Variants in ZFYVE1 observed in about 807,000 individuals in gnomAD.
ZFYVE1 encodes the protein zinc finger FYVE domain-containing protein 1.
A neutral mutation model predicts 74.4 loss-of-function variants in ZFYVE1; 30 were observed. That is an observed-to-expected ratio of 0.40 (90% CI 0.30 to 0.55). ZFYVE1 has a LOEUF of 0.55. Ranked by LOEUF, ZFYVE1 falls within the 20% of genes least tolerant of loss-of-function variation. The pLI, the probability that ZFYVE1 is intolerant of heterozygous loss-of-function variation, is 0.42. For missense variants in ZFYVE1, 703 were observed against 1,011.6 expected, an observed-to-expected ratio of 0.69 and a Z score of 4.14; for synonymous variants, 335 against 385.1, an observed-to-expected ratio of 0.87 and a Z score of 1.52.
rs969972460 is a variant in ZFYVE1, at chr14:72,970,550, G to A, written c.*332C>T. Reference sequence around the variant, plus strand: ...GAGGAGACTGTGCGAAGTCTTCACAGCCAGCAGCAGCCTCGATACGCCCCG... The same window carrying A: ...GAGGAGACTGTGCGAAGTCTTCACAACCAGCAGCAGCCTCGATACGCCCCG... On this transcript the variant is annotated 3_prime_UTR_variant, in exon 12 of 12. Coordinates refer to ENST00000556143, the MANE Select transcript of ZFYVE1 (RefSeq NM_021260.4). The A allele has an allele frequency of 1.3e-5, 4 of 299,530 alleles. No individual in the cohort carries two copies. The allele number at this position is 299,530 out of a possible 1,614,324, so 18.6% of individuals were successfully genotyped here. A position where few individuals can be genotyped will look rare whatever the true frequency, so the allele number is the denominator to read the frequency against.
intron 3 of ZFYVE1, among the ~76,000 whole-genome samples, chr14:72,996,937 C>CT (rs1416045895): frequency 9.8e-5 from 15 of 152,306 alleles, no homozygotes; most frequent in Admixed American, 2.0e-4. Flanking sequence ...CCCCTCCTAT[C>CT]TAATCTGTTA....
chr14:73,004,317 C>A (rs1893933466), intron 2 of ZFYVE1, among the ~76,000 whole-genome samples: 2 of 152,148 alleles, frequency 1.3e-5, no homozygotes, highest in Non-Finnish European at 2.9e-5. Context: ...TGGAAATCTA[C>A]TCTGTCGCGA....
intron 4 of ZFYVE1, among the ~76,000 whole-genome samples, chr14:72,992,201 G>A (rs1169196732): frequency 3.9e-5 from 6 of 152,020 alleles, no homozygotes; most frequent in African/African-American, 1.5e-4. Context: ...GAGCCACCAC[G>A]CCTGGCTGTA....
chr14:73,017,676 A>C (rs2333021), intron 2 of ZFYVE1, among the ~76,000 whole-genome samples: 1 of 151,774 alleles, frequency 6.6e-6, no homozygotes, highest in South Asian at 2.1e-4. Flanking sequence ...CTTTACCTAC[A>C]AACTTTGTCC....
chr14:73,007,274 C>A (rs538415699), intron 2 of ZFYVE1, among the ~76,000 whole-genome samples: 1 of 152,246 alleles, frequency 6.6e-6, no homozygotes, highest in East Asian at 1.9e-4. Flanking sequence ...AGAAGTTAAA[C>A]CCCAACAAAC....
At chr14:73,019,343 G>A (rs1291522899) in intron 2 of ZFYVE1, among the ~76,000 whole-genome samples, 3 of 152,022 alleles carry the variant, frequency 2.0e-5, no homozygotes, top group African/African-American at 4.8e-5. Context: ...CTACTTGGGA[G>A]GCTGTAAGTG....
At position 73,024,726 on chromosome 14, in the gene ZFYVE1, T is replaced by C. The variant is rs571865115; in HGVS notation, c.-218A>G. On this transcript the variant is annotated 5_prime_UTR_variant, in exon 2 of 12. Transcript: ENST00000556143. ...AAGACTCTTGTATTAGCAGCAACGT[T>C]GATTTGGTTTGATGGTTTCATCCTC... The C allele has an allele frequency of 5.1e-6, 3 of 590,128 alleles. No homozygotes were observed. In the South Asian group the frequency reaches 8.9e-5, roughly 17 times the overall value. The allele number at this position is 590,128 out of a possible 1,614,324, so 36.6% of individuals were successfully genotyped here. A position where few individuals can be genotyped will look rare whatever the true frequency, so the allele number is the denominator to read the frequency against.
Position 72,969,996 on chromosome 14 carries a change from A to C in ZFYVE1, c.*886T>G. On this transcript the variant is annotated 3_prime_UTR_variant, in exon 12 of 12. Coordinates refer to ENST00000556143, the MANE Select transcript of ZFYVE1 (RefSeq NM_021260.4). ...TAAGCAATGAAAATCCTAGTGCGAC[A>C]CTCAGAAGCAGATGGTGGGCTTGAG... is the stretch of plus-strand genomic sequence containing the variant. 2.1e-6 allele frequency: 1 copy of C among 474,564 alleles called. No homozygotes were observed. The highest frequency in any genetic ancestry group is 3.0e-5 in the South Asian group (1 of 33,552). 29.4% of individuals were successfully genotyped at this position (474,564 alleles called of 1,614,324 possible).
At chr14:72,985,552 G>A (rs1026892284) in intron 4 of ZFYVE1, among the ~76,000 whole-genome samples, 7 of 150,538 alleles carry the variant, frequency 4.6e-5, no homozygotes, top group South Asian at 2.1e-4. Flanking sequence ...GGCTGGTCTC[G>A]AACTCCTGAC....
chr14:72,975,609 G>T lies in ZFYVE1; in HGVS notation c.1748C>A (p.Thr583Asn). The T allele has an allele frequency of 6.2e-7, 1 of 1,614,190 alleles. No individual in the cohort carries two copies. The highest frequency in any genetic ancestry group is 8.5e-7 in the Non-Finnish European group (1 of 1,180,032). ...GGCGATCTGGTCTGTCAGCCAGGAA[G>T]TCACAGCCTTGGTGGGTCCAAGGCT... Reference protein sequence around the residue: ...ELSLGPTKAVTSWLTDQIAPA... With the variant: ...ELSLGPTKAVNSWLTDQIAPA... Residue 583 changes from threonine to asparagine, a missense_variant, in exon 9 of 12, where the codon ACT (threonine) becomes AAT (asparagine). By Grantham distance (65) the Thr-to-Asn change is moderately conservative. This residue lies in a region of ZFYVE1 where 492 missense variants were observed against 790.0 expected (regional missense o/e 0.62). Coordinates refer to ENST00000556143, the MANE Select transcript of ZFYVE1 (RefSeq NM_021260.4). The surrounding 1 kb of genome is among the most constrained non-coding windows in gnomAD (Gnocchi z 4.1).
In ZFYVE1 at chr14:72,970,854, T is replaced by G; in HGVS notation, c.*28A>C. On this transcript the variant is annotated 3_prime_UTR_variant, in exon 12 of 12. Coordinates refer to ENST00000556143, the MANE Select transcript of ZFYVE1 (RefSeq NM_021260.4). ...TTCTAACCCTGAGAACCTAAGGAAT[T>G]GTGAAGGACTCGGAGAGGGGGCTGG... 1 of 1,609,654 alleles carries G rather than the reference T, an allele frequency of 6.2e-7. No homozygotes were observed. The highest frequency in any genetic ancestry group is 8.5e-7 in the Non-Finnish European group (1 of 1,176,646).
chr14:73,015,757 A>G (rs1307157367), intron 2 of ZFYVE1, among the ~76,000 whole-genome samples: 2 of 152,062 alleles, frequency 1.3e-5, no homozygotes, highest in African/African-American at 2.4e-5. Flanking sequence ...GAGCAACACT[A>G]TTCTGGGACT....
intron 8 of ZFYVE1, among the ~76,000 whole-genome samples, chr14:72,977,218 AC>A (rs1329561934): frequency 6.6e-6 from 1 of 152,004 alleles, no homozygotes; most frequent in Non-Finnish European, 1.5e-5. Flanking sequence ...AACCAGCCTG[AC>A]CAACATGGAG....
intron 2 of ZFYVE1, among the ~76,000 whole-genome samples, chr14:73,009,888 A>G (rs1046391123): frequency 6.6e-5 from 10 of 152,108 alleles, no homozygotes; most frequent in Non-Finnish European, 1.0e-4. Flanking sequence ...CCGGAGCACT[A>G]CTTGAGTCCA....
At chr14:72,978,070 T>C in intron 7 of ZFYVE1, 26 bp from the exon 8 acceptor site, 2 of 1,613,866 alleles carry the variant, frequency 1.2e-6, no homozygotes, top group African/African-American at 1.3e-5. Context: ...ATCAATACTG[T>C]TACCCAGCCA....
intron 2 of ZFYVE1, among the ~76,000 whole-genome samples, chr14:73,020,706 G>A (rs1192490148): frequency 6.6e-6 from 1 of 152,156 alleles, no homozygotes; most frequent in Non-Finnish European, 1.5e-5. Context: ...AGCCAGGCAC[G>A]GCGGCTCAGC....
At chr14:72,991,911 C>CT (rs538080797) in intron 4 of ZFYVE1, among the ~76,000 whole-genome samples, 15,345 of 145,018 alleles carry the variant, frequency 0.11, 1,858 homozygotes, top group African/African-American at 0.3. Context: ...AAATCTCCCT[C>CT]TTTTTTTTTT....
chr14:73,001,589 G>A (rs1893873448), intron 2 of ZFYVE1, among the ~76,000 whole-genome samples: 1 of 152,018 alleles, frequency 6.6e-6, no homozygotes, highest in South Asian at 2.1e-4. Context: ...CCCTCCAAAT[G>A]TGCTTATAAC....
At position 72,970,638 on chromosome 14, in the gene ZFYVE1, G is replaced by A. The variant is rs1222902210; in HGVS notation, c.*244C>T. 2.6e-5 allele frequency: 15 copies of A among 568,094 alleles called. No homozygotes were observed. Among genetic ancestry groups the A allele is most frequent in the Non-Finnish European group, 4.7e-5 (15 of 317,280 alleles). The allele number at this position is 568,094 out of a possible 1,614,324, so 35.2% of individuals were successfully genotyped here. A position where few individuals can be genotyped will look rare whatever the true frequency, so the allele number is the denominator to read the frequency against. On this transcript the variant is annotated 3_prime_UTR_variant, in exon 12 of 12. Transcript: ENST00000556143. Reference sequence around the variant, plus strand: ...ACATATATATTCATTATTTTTAACTGAAATAAATGCAACGGATTCAGGTTC... The same window carrying A: ...ACATATATATTCATTATTTTTAACTAAAATAAATGCAACGGATTCAGGTTC...
Sources: gnomAD v4.1 joint callset for allele counts (sites outside exome capture counted in the v4.1 genomes callset) on GRCh38, gnomAD v4.1.1 for gene constraint, gnomAD v4.1.1 regional missense constraint, Gnocchi (gnomAD v3.1) non-coding constraint, MANE v1.5 for transcripts, NCBI Gene and HGNC (gene_info 2026-07-23, HGNC 2026-07-21) for gene names.